ZNF695: variants seen among roughly 807,000 people sequenced by gnomAD.
The protein encoded by ZNF695 is zinc finger protein 695, also known as zinc finger protein SBZF3.
A neutral mutation model predicts 11.2 loss-of-function variants in ZNF695; 11 were observed. That is an observed-to-expected ratio of 0.98 (90% CI 0.62 to 1.62). The LOEUF is 1.62. ZNF695 is among the 40% of genes most tolerant of loss of function. ZNF695 has a pLI of 0.00. For missense variants in ZNF695, 559 were observed against 590.5 expected (o/e 0.95, Z 0.55); for synonymous variants, 190 against 201.4 (o/e 0.94, Z 0.48).
chr1:246,995,955 T>C, intron 3 of ZNF695: 1 of 433,700 alleles, frequency 2.3e-6, no homozygotes, highest in Non-Finnish European at 4.6e-6. Flanking sequence ...GAAGAGTTCT[T>C]TGCATGCCCA....
intron 5 of ZNF695, chr1:246,967,639 T>C (rs986876538): frequency 2.7e-6 from 1 of 364,228 alleles, no homozygotes; most frequent in African/African-American, 2.1e-5. Context: ...TGCATTGCTA[T>C]AAAGAACCAC....
In ZNF695 at chr1:246,986,603, T is replaced by C. The variant is rs896734781; in HGVS notation, c.*364A>G. ...GTAAAACAGTTTTTAGTGTGAACAC[T>C]CTGGTGTTTTCTGAGGTATATTTTT... On this transcript the variant is annotated 3_prime_UTR_variant, in exon 4 of 4. Coordinates refer to ENST00000339986, the MANE Select transcript of ZNF695 (RefSeq NM_020394.5). 3.0e-6 allele frequency: 3 copies of C among 1,013,588 alleles called. No homozygotes were observed. Among genetic ancestry groups the C allele is most frequent in the Non-Finnish European group, 3.5e-6 (3 of 848,324 alleles). 62.8% of individuals were successfully genotyped at this position (1,013,588 alleles called of 1,614,324 possible). A position where few individuals can be genotyped will look rare whatever the true frequency, so the allele number is the denominator to read the frequency against.
downstream of ZNF695, among the ~76,000 whole-genome samples, chr1:246,983,640 G>A (rs779559039): frequency 2.0e-5 from 3 of 151,712 alleles, no homozygotes; most frequent in Non-Finnish European, 4.4e-5. Context: ...CCAACATGAT[G>A]AACCCCATCT....
rs766317694 is a variant in ZNF695 at position 246,987,881 on chromosome 1, A to G, written c.634T>C (p.Tyr212His). The G allele has an allele frequency of 1.9e-6, 3 of 1,609,872 alleles. No homozygotes were observed. Among genetic ancestry groups the G allele is most frequent in the Non-Finnish European group, 2.5e-6 (3 of 1,178,824 alleles). ...GCTTTGCCACATTTTTTACATTGGTACGGGTTCTCTCCAATATGGATTCTC... is the reference window on the plus strand; with the variant it reads ...GCTTTGCCACATTTTTTACATTGGTGCGGGTTCTCTCCAATATGGATTCTC... ...QQRIHIGENP[Y>H]QCKKCGKAFN... The change falls in exon 4 of 4, where the codon TAC (tyrosine) becomes CAC (histidine). Residue 212 changes from tyrosine (Y) to histidine (H), a missense_variant. By Grantham distance (83) the Tyr-to-His change is moderately conservative. Transcript: ENST00000339986.
At chr1:246,954,154 G>A (rs1392066300) in intron 5 of ZNF695, among the ~76,000 whole-genome samples, 2 of 152,126 alleles carry the variant, frequency 1.3e-5, no homozygotes, top group Non-Finnish European at 2.9e-5. Flanking sequence ...AATGACTTCA[G>A]TTTGTCCTCA....
At chr1:246,967,467 G>T (rs934978441) in intron 5 of ZNF695, 1 of 456,160 alleles carries the variant, frequency 2.2e-6, no homozygotes. Flanking sequence ...CATGAATGGG[G>T]GATAAAAGAG....
chr1:246,988,010 C>G lies in ZNF695; in HGVS notation c.505G>C (p.Ala169Pro), dbSNP rs1289667368. ...CTTATCTTACATTTATTTAGATTTG[C>G]AAATTTACTAAAACCTTTCACACAT... is the stretch of plus-strand genomic sequence containing the variant. ...NKCVKGFSKF[A>P]NLNKCKISHT... The change falls in exon 4 of 4, where the codon GCA (alanine) becomes CCA (proline). Residue 169 changes from alanine to proline, a missense_variant. By Grantham distance (27) the Ala-to-Pro change is conservative. Transcript: ENST00000339986. 4 of 1,595,452 alleles carry G rather than the reference C, an allele frequency of 2.5e-6. No homozygotes were observed. Among genetic ancestry groups the G allele is most frequent in the Non-Finnish European group, 3.4e-6 (4 of 1,173,786 alleles).
chr1:246,973,906 A>G (rs1668490109), intron 4 of ZNF695, among the ~76,000 whole-genome samples: 1 of 152,172 alleles, frequency 6.6e-6, no homozygotes, highest in African/African-American at 2.4e-5. Context: ...TTATTACCCT[A>G]TTATGTGTGA....
intron 4 of ZNF695, among the ~76,000 whole-genome samples, chr1:246,974,102 C>T (rs1668494457): frequency 6.7e-6 from 1 of 150,080 alleles, no homozygotes; most frequent in Admixed American, 6.6e-5. Flanking sequence ...TTTTCCAGGC[C>T]ATCCATTGCT....
At position 246,987,899 on chromosome 1, in the gene ZNF695, G is replaced by A. The variant is rs756868793; in HGVS notation, c.616C>T (p.His206Tyr). Reference protein sequence around the residue: ...SLIMTQQQRIHIGENPYQCKK... With the variant: ...SLIMTQQQRIYIGENPYQCKK... The stretch of plus-strand genomic sequence containing the variant: ...CATTGGTACGGGTTCTCTCCAATAT[G>A]GATTCTCTGCTGTTGAGTCATTATT... The change falls in exon 4 of 4, where the codon CAT (histidine) becomes TAT (tyrosine). Residue 206 changes from histidine to tyrosine, a missense_variant. Coordinates refer to ENST00000339986, the MANE Select transcript of ZNF695 (RefSeq NM_020394.5). 2 of 1,608,902 alleles carry A rather than the reference G, an allele frequency of 1.2e-6. No individual in the cohort carries two copies. Among genetic ancestry groups the A allele is most frequent in the Non-Finnish European group, 1.7e-6 (2 of 1,178,562 alleles).
intron 4 of ZNF695, among the ~76,000 whole-genome samples, chr1:246,975,627 G>C (rs1480463562): frequency 1.3e-5 from 2 of 152,226 alleles, no homozygotes; most frequent in Non-Finnish European, 2.9e-5. Context: ...AAAGTTCAGA[G>C]TTTGGCATGC....
downstream of ZNF695, among the ~76,000 whole-genome samples, chr1:246,982,270 C>CA (rs11397736): frequency 0.1 from 11,452 of 111,104 alleles, 939 homozygotes; most frequent in African/African-American, 0.24. Context: ...AACTTAGTCT[C>CA]AAAAAAAAAA....
intron 5 of ZNF695, chr1:246,967,464 G>A (rs1668318055): frequency 2.2e-6 from 1 of 456,382 alleles, no homozygotes; most frequent in South Asian, 1.5e-5. Flanking sequence ...TGGCATGAAT[G>A]GGGGATAAAA....
intron 5 of ZNF695, chr1:246,945,848 A>C: frequency 6.5e-7 from 1 of 1,549,870 alleles, no homozygotes; most frequent in Non-Finnish European, 8.7e-7. Context: ...GAAAGAAAGA[A>C]AAGCAGCTTA....
chr1:246,960,800 G>T (rs2103005226), intron 5 of ZNF695, among the ~76,000 whole-genome samples: 1 of 152,254 alleles, frequency 6.6e-6, no homozygotes, highest in East Asian at 1.9e-4. Context: ...GGGCATGGTG[G>T]TGCTCACCTG....
chr1:246,947,158 CAA>C (rs1667758122), intron 5 of ZNF695, among the ~76,000 whole-genome samples: 1 of 128,498 alleles, frequency 7.8e-6, no homozygotes, highest in South Asian at 2.5e-4. Flanking sequence ...AAAAAAAAAT[CAA>C]AGAGTAAATG....
In ZNF695 at chr1:246,986,319, C is replaced by T. The variant is rs895403312; in HGVS notation, c.*648G>A. The T allele has an allele frequency of 7.3e-6, 7 of 954,944 alleles. No individual in the cohort carries two copies. The highest frequency in any genetic ancestry group is 9.7e-5 in the South Asian group (2 of 20,656). The allele number at this position is 954,944 out of a possible 1,614,324, so 59.2% of individuals were successfully genotyped here. ...CTGGGCTCAAGCAATCCCCCGACCT[C>T]GGCATCCAAAAGTGCAGCAACTATA... is the stretch of plus-strand genomic sequence containing the variant. On this transcript the variant is annotated 3_prime_UTR_variant, in exon 4 of 4. Transcript: ENST00000339986.
intron 2 of ZNF695, 88 bp from the exon 3 acceptor site, chr1:246,999,528 A>C: frequency 7.0e-6 from 7 of 997,750 alleles, no homozygotes; most frequent in Non-Finnish European, 6.0e-6. Flanking sequence ...AAAACATCAC[A>C]TTAGATCCTA....
At chr1:246,974,142 T>TAAAAAAAACAAAACAAAAAAAA (rs963537852) in intron 4 of ZNF695, among the ~76,000 whole-genome samples, 1 of 83,248 alleles carries the variant, frequency 1.2e-5, no homozygotes, top group Admixed American at 1.2e-4. Context: ...TTATTTGGAA[T>TAAAAAAAACAAAACAAAAAAAA]AAAAAACAAA....
Sources: allele counts gnomAD v4.1 joint callset (sites outside exome capture counted in the v4.1 genomes callset), GRCh38; gene constraint gnomAD v4.1.1; transcripts MANE v1.5; gene names NCBI Gene and HGNC (gene_info 2026-07-23, HGNC 2026-07-21).